The following IQSEC2 variants were observed in gnomAD, a reference collection of about 807,000 sequenced individuals.
IQSEC2 encodes IQ motif and Sec7 domain ArfGEF 2, also known as IQ motif and SEC7 domain-containing protein 2.
A neutral mutation model predicts 74.6 loss-of-function variants in IQSEC2; 6 were observed. That is an observed-to-expected ratio of 0.08 (90% CI 0.04 to 0.16). IQSEC2 has a LOEUF of 0.16. IQSEC2 is among the 10% of genes least tolerant of loss of function. The pLI is 1.00. For missense variants in IQSEC2, 734 were observed against 1,306.2 expected (o/e 0.56, Z 6.75); for synonymous variants, 494 against 544.5 (o/e 0.91, Z 1.29).
intron 8 of IQSEC2, among the ~76,000 whole-genome samples, chrX:53,245,376 T>C (rs1465316991): frequency 9.4e-6 from 1 of 105,856 alleles, no homozygotes; most frequent in Non-Finnish European, 1.9e-5. Context: ...TGCAGTGAGC[T>C]CTGCTAGCAC....
In IQSEC2 at chrX:53,239,292, G is replaced by A; in HGVS notation, c.3018C>T (p.Val1006=). The A allele has an allele frequency of 8.4e-7, 1 of 1,187,298 alleles. No individual in the cohort carries two copies. Among genetic ancestry groups the A allele is most frequent in the Non-Finnish European group, 1.1e-6 (1 of 874,020 alleles). The change falls in exon 11 of 15, where the codon GTC becomes GTT. Residue 1006 remains valine, a splice_region_variant and synonymous_variant. Transcript: ENST00000642864. ...TCTTCTTCTTCTGGAAAATTTTGGT[G>A]ACCTTTGGCAGGGGTGGGAAAAAGA... ...EVFLFNDLLV[V]TKIFQKKKIL...
chrX:53,248,891 A>C lies in IQSEC2; in HGVS notation c.2298-9T>G, dbSNP rs2074345223. On this transcript the variant is annotated splice_polypyrimidine_tract_variant and intron_variant, in intron 5 of 14. Coordinates refer to ENST00000642864, the MANE Select transcript of IQSEC2 (RefSeq NM_001111125.3). ...TACCCTTCTCTGGCTTCCTGCAGAA[A>C]GAGGAGAGGTAGATGAGATGACTGT... 8.3e-7 allele frequency: 1 copy of C among 1,203,753 alleles called. No homozygotes were observed. The highest frequency in any genetic ancestry group is 1.1e-6 in the Non-Finnish European group (1 of 891,675).
At chrX:53,266,619 A>G in intron 2 of IQSEC2, 2 of 802,559 alleles carry the variant, frequency 2.5e-6, no homozygotes, top group Non-Finnish European at 3.0e-6. Flanking sequence ...TCATTTGGAG[A>G]CCTCTCCAGT....
At chrX:53,287,809 C>T (rs782753415) in intron 2 of IQSEC2, among the ~76,000 whole-genome samples, 77 of 112,430 alleles carry the variant, frequency 6.8e-4, no homozygotes, top group Non-Finnish European at 4.7e-4. Context: ...CTGGGCCAGG[C>T]GGCGGCAGAA....
rs2075418300 is a variant in IQSEC2 at position 53,320,485 on chromosome X, G to A, written c.639C>T (p.Ser213=). 8.6e-7 allele frequency: 1 copy of A among 1,164,167 alleles called. No homozygotes were observed. Among genetic ancestry groups the A allele is most frequent in the African/African-American group, 1.8e-5 (1 of 55,848 alleles). Reference sequence around the variant, plus strand: ...TGTGGCCTCCGCCGGCGCCGGGACTGGAGCTCCTGGATGCGCCACGGCTCA... The same window carrying A: ...TGTGGCCTCCGCCGGCGCCGGGACTAGAGCTCCTGGATGCGCCACGGCTCA... ...GQLSRGASRS[S]SPGAGGGHST... The change falls in exon 1 of 15, where the codon TCC becomes TCT. Residue 213 remains serine (S), a synonymous_variant. Coordinates refer to ENST00000642864, the MANE Select transcript of IQSEC2 (RefSeq NM_001111125.3).
chrX:53,296,993 T>C (rs1033419273), intron 1 of IQSEC2, among the ~76,000 whole-genome samples: 1 of 110,654 alleles, frequency 9.0e-6, no homozygotes, highest in African/African-American at 3.3e-5. Context: ...TAAATCAACA[T>C]TGGTGGTCTA....
downstream of IQSEC2, chrX:53,230,645 G>C (rs1197833982): frequency 1.7e-5 from 2 of 115,428 alleles, no homozygotes; most frequent in Non-Finnish European, 3.6e-5. Context: ...ACCCAGGCTG[G>C]AGTGCAGTGG....
At chrX:53,287,833 GGGA>G (rs1393260776) in intron 2 of IQSEC2, among the ~76,000 whole-genome samples, 1 of 112,047 alleles carries the variant, frequency 8.9e-6, no homozygotes, top group African/African-American at 3.2e-5. Flanking sequence ...AGAGAGGAAG[GGGA>G]GGAGAAGAGA....
Position 53,234,366 on chromosome X carries a change from G to T in IQSEC2, c.4320C>A (p.Leu1440=). Residue 1440 remains leucine (L), a synonymous_variant, in exon 15 of 15, where the codon CTC becomes CTA. Transcript: ENST00000642864. ...GCGGGGTGTGAGGGGAGGGTGGGGG[G>T]AGGGGTGGATAGGAGGGGTGGGGTG... ...PIPPHPSYPP[L]PPPSPHTPHS... is the part of the protein sequence containing the mutation. 1 of 284,576 alleles carries T rather than the reference G, an allele frequency of 3.5e-6. No individual in the cohort carries two copies. Among genetic ancestry groups the T allele is most frequent in the Non-Finnish European group, 5.0e-6 (1 of 198,427 alleles). The allele number at this position is 284,576 out of a possible 1,213,427, so 23.5% of individuals were successfully genotyped here. A position where few individuals can be genotyped will look rare whatever the true frequency, so the allele number is the denominator to read the frequency against.
At chrX:53,276,253 A>G (rs1161669751) in intron 2 of IQSEC2, among the ~76,000 whole-genome samples, 5 of 112,212 alleles carry the variant, frequency 4.5e-5, no homozygotes, top group African/African-American at 1.6e-4. Flanking sequence ...ATAGTTTTCT[A>G]TAGAGAAGTA....
chrX:53,280,467 GC>G (rs1313149609), intron 2 of IQSEC2, among the ~76,000 whole-genome samples: 1 of 110,681 alleles, frequency 9.0e-6, no homozygotes, highest in African/African-American at 3.3e-5. Context: ...GGCAGAGAGC[GC>G]CAGAGCAGAG....
rs75574147 is a variant in IQSEC2 at position 53,288,150 on chromosome X, T to C, written c.737+3745A>G. Among the ~76,000 whole-genome samples the C allele has an allele frequency of 1.3e-3, 142 of 111,732 alleles. 2 individuals carry two copies. Among genetic ancestry groups the C allele is most frequent in the Non-Finnish European group, 2.4e-3 (127 of 53,083 alleles). On this transcript the variant is annotated intron_variant, in intron 2 of 14. Coordinates refer to ENST00000642864, the MANE Select transcript of IQSEC2 (RefSeq NM_001111125.3). ...GGGAGGTGATGCAGCTGGATGGCTCTGGGGATGGGTAGTGTCTTGGACATG... is the reference window on the plus strand; with the variant it reads ...GGGAGGTGATGCAGCTGGATGGCTCCGGGGATGGGTAGTGTCTTGGACATG...
intron 2 of IQSEC2, among the ~76,000 whole-genome samples, chrX:53,276,658 T>TA (rs1188597486): frequency 1.8e-5 from 2 of 112,301 alleles, no homozygotes; most frequent in African/African-American, 6.5e-5. Flanking sequence ...GCCTCACTGT[T>TA]ACATTTGATG....
intron 8 of IQSEC2, among the ~76,000 whole-genome samples, chrX:53,245,292 G>A (rs1299710604): frequency 9.1e-6 from 1 of 109,701 alleles, no homozygotes; most frequent in Non-Finnish European, 1.9e-5. Flanking sequence ...GTTGGGCATG[G>A]TGGCACGCGC....
chrX:53,240,924 G>A (rs1200212795), intron 10 of IQSEC2, among the ~76,000 whole-genome samples: 3 of 107,979 alleles, frequency 2.8e-5, no homozygotes, highest in Admixed American at 9.8e-5. Context: ...ACAGGCATGC[G>A]CCACTGCGCC....
intron 10 of IQSEC2, among the ~76,000 whole-genome samples, chrX:53,239,805 A>G (rs782080780): frequency 8.9e-6 from 1 of 111,831 alleles, no homozygotes; most frequent in Non-Finnish European, 1.9e-5. Flanking sequence ...CAACAACCCA[A>G]TATCTTTGTC....
At position 53,321,046 on chromosome X, in the gene IQSEC2, C is replaced by A; in HGVS notation, c.78G>T (p.Leu26=). The change falls in exon 1 of 15, where the codon CTG becomes CTT. Residue 26 remains leucine (L), a synonymous_variant. Coordinates refer to ENST00000642864, the MANE Select transcript of IQSEC2 (RefSeq NM_001111125.3). ...GCTGCTGGCTCTCGATGATGTTGTTCAGCTCCAGCAGGTACTCCACGGCCC... is the reference window on the plus strand; with the variant it reads ...GCTGCTGGCTCTCGATGATGTTGTTAAGCTCCAGCAGGTACTCCACGGCCC... The part of the protein sequence containing the change: ...PNRAVEYLLE[L]NNIIESQQQL... The A allele has an allele frequency of 8.7e-7, 1 of 1,155,478 alleles. No individual in the cohort carries two copies. Among genetic ancestry groups the A allele is most frequent in the Non-Finnish European group, 1.1e-6 (1 of 871,516 alleles).
chrX:53,227,686 A>C, downstream of IQSEC2: 5 of 264,732 alleles, frequency 1.9e-5, no homozygotes, highest in African/African-American at 2.8e-5. Context: ...GGTGAGGAGA[A>C]TCTAGAAGGT....
chrX:53,263,227 G>T (rs1180526042), intron 2 of IQSEC2, among the ~76,000 whole-genome samples: 1 of 111,942 alleles, frequency 8.9e-6, no homozygotes, highest in African/African-American at 3.3e-5. Flanking sequence ...TTAGATGGAA[G>T]AAGCTCCTGA....
Sources: gnomAD v4.1 joint callset for allele counts (sites outside exome capture counted in the v4.1 genomes callset) on GRCh38, gnomAD v4.1.1 for gene constraint, MANE v1.5 for transcripts, NCBI Gene and HGNC (gene_info 2026-07-23, HGNC 2026-07-21) for gene names.